Variants in TP63 observed in about 807,000 individuals in gnomAD.
TP63 encodes tumor protein p63.
A neutral mutation model predicts 82.8 loss-of-function variants in TP63; 17 were observed. The ratio of observed to expected loss-of-function variants is 0.21; its 90% CI spans 0.14 to 0.31. The LOEUF (loss-of-function observed/expected upper bound fraction) is 0.31, where lower values mean the gene tolerates loss of function less well. Ranked by LOEUF, TP63 falls within the 10% of genes least tolerant of loss-of-function variation. TP63 has a pLI of 1.00. For synonymous variants in TP63, 330 were observed against 321.7 expected, an observed-to-expected ratio of 1.03 and a Z score of -0.28; for missense variants, 648 against 895.3, an observed-to-expected ratio of 0.72 and a Z score of 3.52.
intron 9 of TP63, among the ~76,000 whole-genome samples, chr3:189,872,038 C>T (rs1442829350): frequency 6.6e-6 from 1 of 152,130 alleles, no homozygotes; most frequent in African/African-American, 2.4e-5. Flanking sequence ...CCTTTAAGAG[C>T]TTTTATTTAA....
At chr3:189,826,006 A>G (rs1339773374) in intron 4 of TP63, among the ~76,000 whole-genome samples, 1 of 152,266 alleles carries the variant, frequency 6.6e-6, no homozygotes. Flanking sequence ...CGTGAGCTAC[A>G]TGGAGGACAG....
chr3:189,868,748 G>A (rs755317680), intron 8 of TP63, 32 bp downstream of exon 8: 2 of 1,613,522 alleles, frequency 1.2e-6, no homozygotes, highest in African/African-American at 2.7e-5. Flanking sequence ...ATGGGGTAGG[G>A]TTGAATCTTC....
chr3:189,667,786 G>C (rs567538697), intron 1 of TP63, among the ~76,000 whole-genome samples: 29 of 152,224 alleles, frequency 1.9e-4, no homozygotes, highest in Non-Finnish European at 3.2e-4. Flanking sequence ...TATAGACCAT[G>C]TTCTACAGCA....
intron 1 of TP63, among the ~76,000 whole-genome samples, chr3:189,663,850 T>A (rs141192532): frequency 6.6e-6 from 1 of 152,176 alleles, no homozygotes; most frequent in East Asian, 1.9e-4. Flanking sequence ...CCCAGCCATT[T>A]CATTCTTTCA....
the TP63 span, among the ~76,000 whole-genome samples, chr3:189,597,943 AG>A: frequency 1.3e-5 from 2 of 148,544 alleles, no homozygotes; most frequent in Non-Finnish European, 3.0e-5. Context: ...AAAAAAAAAA[AG>A]TTAGAATTAA....
rs902849922 is a variant in TP63, at chr3:189,672,822, G to T, written c.62+41245G>T. Reference sequence around the variant, plus strand: ...GAGAATTAAACAAAGCCAACAATTGGTTTTTTTAACATAATTAATACAAAC... The same window carrying T: ...GAGAATTAAACAAAGCCAACAATTGTTTTTTTTAACATAATTAATACAAAC... On this transcript the variant is annotated intron_variant, in intron 1 of 13. Transcript: ENST00000264731. Among the ~76,000 whole-genome samples, 24 of 151,940 alleles carry T rather than the reference G, an allele frequency of 1.6e-4. 1 individual carries two copies. Among genetic ancestry groups the T allele is most frequent in the South Asian group, 4.1e-4 (2 of 4,826 alleles).
the TP63 span, among the ~76,000 whole-genome samples, chr3:189,619,928 T>C: frequency 6.6e-6 from 1 of 152,162 alleles, no homozygotes. Flanking sequence ...TTCTCCACTC[T>C]TGGACCTCTC....
intron 3 of TP63, chr3:189,789,559 G>C (rs1214973359): frequency 1.3e-6 from 1 of 777,732 alleles, no homozygotes; most frequent in Non-Finnish European, 1.7e-6. Flanking sequence ...TTGGAGTGGA[G>C]GAGTCCAGGT....
chr3:189,748,215 GAAAT>G (rs1252732536), intron 3 of TP63, among the ~76,000 whole-genome samples: 2 of 151,960 alleles, frequency 1.3e-5, no homozygotes, highest in African/African-American at 4.8e-5. Context: ...GCAAGAGAAA[GAAAT>G]AAAAGGCATG....
At chr3:189,875,595 T>TAC (rs1225153296) in intron 10 of TP63, among the ~76,000 whole-genome samples, 5 of 25,246 alleles carry the variant, frequency 2.0e-4, no homozygotes, top group Admixed American at 3.3e-4. Flanking sequence ...AATACATACA[T>TAC]ATATATATAT....
At chr3:189,707,755 A>T (rs141260181) in intron 1 of TP63, among the ~76,000 whole-genome samples, 5,348 of 152,288 alleles carry the variant, frequency 0.035, 134 homozygotes, top group Non-Finnish European at 0.053. Context: ...AAACATCAAT[A>T]AGGCAAATTT....
At chr3:189,690,361 T>G (rs80085129) in intron 1 of TP63, among the ~76,000 whole-genome samples, 2,258 of 152,110 alleles carry the variant, frequency 0.015, 51 homozygotes, top group African/African-American at 0.052. Context: ...ACTTGGTGTT[T>G]GGCACTCAGC....
chr3:189,771,787 C>T (rs897543994), intron 3 of TP63, among the ~76,000 whole-genome samples: 1 of 151,978 alleles, frequency 6.6e-6, no homozygotes, highest in African/African-American at 2.4e-5. Context: ...CTGCTAATGT[C>T]GGGTCAGTTC....
At chr3:189,692,359 CTTT>C (rs915577126) in intron 1 of TP63, among the ~76,000 whole-genome samples, 4 of 151,764 alleles carry the variant, frequency 2.6e-5, no homozygotes, top group Admixed American at 1.3e-4. Flanking sequence ...TTCATCCCTT[CTTT>C]ATTTCTTTTA....
rs139044046 is a variant in TP63 at position 189,803,788 on chromosome 3, C to A, written c.325-4484C>A. Reference sequence around the variant, plus strand: ...CAAAGTTATTTTATAGAAAATGAAGCATCTGTTTGGAATCACAGGAAATTA... The same window carrying A: ...CAAAGTTATTTTATAGAAAATGAAGAATCTGTTTGGAATCACAGGAAATTA... On this transcript the variant is annotated intron_variant, in intron 3 of 13. Transcript: ENST00000264731. Among the ~76,000 whole-genome samples, 1,202 of 152,274 alleles carry A rather than the reference C, an allele frequency of 7.9e-3. 12 individuals are homozygous for A. The highest frequency in any genetic ancestry group is 0.027 in the African/African-American group (1,113 of 41,560).
chr3:189,781,456 G>T (rs1413099231), intron 3 of TP63, among the ~76,000 whole-genome samples: 1 of 152,172 alleles, frequency 6.6e-6, no homozygotes, highest in African/African-American at 2.4e-5. Flanking sequence ...GGACACATAT[G>T]CTATAACTAA....
At chr3:189,643,554 G>C (rs1177929230) in intron 1 of TP63, among the ~76,000 whole-genome samples, 1 of 151,926 alleles carries the variant, frequency 6.6e-6, no homozygotes, top group Non-Finnish European at 1.5e-5. Context: ...TGGTGATGTG[G>C]ATCAAGCCCT....
At chr3:189,691,557 T>C (rs1716934317) in intron 1 of TP63, among the ~76,000 whole-genome samples, 1 of 152,104 alleles carries the variant, frequency 6.6e-6, no homozygotes, top group African/African-American at 2.4e-5. Flanking sequence ...CCAAGCTGTG[T>C]CAACCACATA....
At chr3:189,838,855 C>G (rs1713531172) in intron 4 of TP63, among the ~76,000 whole-genome samples, 1 of 151,830 alleles carries the variant, frequency 6.6e-6, no homozygotes, top group South Asian at 2.1e-4. Flanking sequence ...CTGTACTTAT[C>G]TAGAATAAAG....
Sources: allele counts gnomAD v4.1 joint callset (sites outside exome capture counted in the v4.1 genomes callset), GRCh38; gene constraint gnomAD v4.1.1; transcripts MANE v1.5; gene names NCBI Gene and HGNC (gene_info 2026-07-23, HGNC 2026-07-21).